The following UTRN variants were observed in gnomAD, a reference collection of about 807,000 sequenced individuals.
The protein encoded by UTRN is utrophin.
A neutral mutation model predicts 463.9 loss-of-function variants in UTRN; 283 were observed. The observed-to-expected ratio is 0.61, with a 90% CI of 0.55 to 0.67. The LOEUF (loss-of-function observed/expected upper bound fraction) is 0.67. Ranked by LOEUF, UTRN falls within the 30% of genes least tolerant of loss-of-function variation. UTRN has a pLI of 0.00. For missense variants in UTRN, 3,922 were observed against 4,084.3 expected (o/e 0.96, Z 1.08); for synonymous variants, 1,442 against 1,431.5 (o/e 1.01, Z -0.17).
At chr6:144,302,594 A>G (rs1805383828) in intron 2 of UTRN, among the ~76,000 whole-genome samples, 2 of 152,024 alleles carry the variant, frequency 1.3e-5, no homozygotes, top group African/African-American at 2.4e-5. Flanking sequence ...GCAAATGGTT[A>G]TTGTTCATTC....
intron 59 of UTRN, 57 bp downstream of exon 59, chr6:144,772,025 T>G (rs1321043409): frequency 1.2e-5 from 11 of 916,318 alleles, no homozygotes; most frequent in East Asian, 7.2e-5. Context: ...GGTTTTTTTT[T>G]TTTTTTTTTT....
At chr6:144,568,151 T>C (rs1800594150) in intron 50 of UTRN, among the ~76,000 whole-genome samples, 1 of 152,158 alleles carries the variant, frequency 6.6e-6, no homozygotes, top group Non-Finnish European at 1.5e-5. Context: ...TGGATGTCCT[T>C]AAATCTTTTT....
At chr6:144,748,212 T>A in intron 54 of UTRN, 34 bp from the exon 55 acceptor site, 2 of 1,572,824 alleles carry the variant, frequency 1.3e-6, no homozygotes, top group Non-Finnish European at 1.7e-6. Flanking sequence ...TAATCAGACA[T>A]CCAAATTATT....
At chr6:144,473,856 A>G in intron 24 of UTRN, 23 bp downstream of exon 24, 1 of 1,547,822 alleles carries the variant, frequency 6.5e-7, no homozygotes, top group Non-Finnish European at 8.9e-7. Context: ...GATCTGGGGA[A>G]CTTGTCATAA....
At chr6:144,304,428 A>G (rs984531001) in intron 2 of UTRN, among the ~76,000 whole-genome samples, 1 of 152,182 alleles carries the variant, frequency 6.6e-6, no homozygotes, top group Non-Finnish European at 1.5e-5. Context: ...ACTGTCTGTC[A>G]CCTAGAGAGG....
rs546018756 is a variant in UTRN, at chr6:144,851,224, G to A, written c.*227G>A. On this transcript the variant is annotated 3_prime_UTR_variant, in exon 75 of 75. Transcript: ENST00000367545. ...TATTGTTTTCTTCTTCCCTTTCTATGCAAGTGTAAATTAATGAACAGAGAG... is the reference window on the plus strand; with the variant it reads ...TATTGTTTTCTTCTTCCCTTTCTATACAAGTGTAAATTAATGAACAGAGAG... 5.5e-4 allele frequency: 320 copies of A among 580,684 alleles called. No individual in the cohort carries two copies. In the South Asian group the frequency reaches 6.8e-3, roughly 12 times the overall value. 36.0% of individuals were successfully genotyped at this position (580,684 alleles called of 1,614,324 possible).
At chr6:144,781,799 A>G (rs1258632712) in intron 60 of UTRN, 123 bp from the exon 61 acceptor site, 5 of 663,778 alleles carry the variant, frequency 7.5e-6, no homozygotes, top group South Asian at 4.9e-5. Flanking sequence ...GCTAAAAAGG[A>G]TAGATTCTTA....
chr6:144,357,330 G>A (rs1020398470), intron 2 of UTRN, among the ~76,000 whole-genome samples: 12 of 152,162 alleles, frequency 7.9e-5, no homozygotes, highest in Non-Finnish European at 1.6e-4. Context: ...AAGTTAAGCT[G>A]TGCTTCAGGA....
rs78616065 is a variant in UTRN at position 144,490,286 on chromosome 6, G to A, written c.4263+87G>A. 7.7e-3 allele frequency: 11,668 copies of A among 1,509,196 alleles called. 770 individuals carry two copies. The African/African-American group carries it at 0.15, about 19-fold the overall frequency. 93.5% of individuals were successfully genotyped at this position (1,509,196 alleles called of 1,614,324 possible). A position where few individuals can be genotyped will look rare whatever the true frequency, so the allele number is the denominator to read the frequency against. On this transcript the variant is annotated intron_variant, in intron 31 of 74. Transcript: ENST00000367545. Reference sequence around the variant, plus strand: ...AGAAAGAATTGATTACTTGGGCACCGTTTGTATTCTTTGTGATGTAAACCA... The same window carrying A: ...AGAAAGAATTGATTACTTGGGCACCATTTGTATTCTTTGTGATGTAAACCA...
intron 2 of UTRN, among the ~76,000 whole-genome samples, chr6:144,317,052 AAGTGTCATAT>A (rs1447779790): frequency 3.9e-5 from 6 of 152,222 alleles, no homozygotes; most frequent in Admixed American, 3.9e-4. Flanking sequence ...ATTTGTCTCA[AAGTGTCATAT>A]TAGACAAAGC....
Position 144,499,324 on chromosome 6 carries a change from C to T in UTRN, c.4661C>T (p.Ala1554Val). 2 of 1,613,870 alleles carry T rather than the reference C, an allele frequency of 1.2e-6. No homozygotes were observed. The highest frequency in any genetic ancestry group is 4.5e-5 in the East Asian group (2 of 44,880). Residue 1554 changes from alanine (A) to valine (V), a missense_variant, in exon 34 of 75, where the codon GCT becomes GTT. By Grantham distance (64) the Ala-to-Val change is moderately conservative. This residue lies in a region of UTRN where 2,349 missense variants were observed against 2,303.8 expected (regional missense o/e 1.02). Transcript: ENST00000367545. ...QLARKMKKEAASLSEWLSATE... is the reference protein window; with the variant it reads ...QLARKMKKEAVSLSEWLSATE... ...GCCCGGAAAATGAAGAAAGAGGCTG[C>T]TTCTCTCTCTGAATGGCTTTCTGCT...
At chr6:144,346,875 CATCTATCT>C (rs5880591) in intron 2 of UTRN, among the ~76,000 whole-genome samples, 1,648 of 151,206 alleles carry the variant, frequency 0.011, 33 homozygotes, top group African/African-American at 0.037. Context: ...ATCTATGTAT[CATCTATCT>C]ATCTATCTAT....
chr6:144,470,351 T>C (rs6934162), intron 23 of UTRN, among the ~76,000 whole-genome samples: 101,397 of 148,850 alleles, frequency 0.68, 36,717 homozygotes, highest in East Asian at 0.99. Context: ...CCAGATGGGG[T>C]GGCTGCCGGG....
intron 3 of UTRN, among the ~76,000 whole-genome samples, chr6:144,407,606 A>C (rs953670202): frequency 1.3e-5 from 2 of 152,224 alleles, no homozygotes; most frequent in African/African-American, 4.8e-5. Flanking sequence ...TATTAAATTC[A>C]CTGTGAAGAA....
At chr6:144,500,942 T>C (rs1794116493) in intron 34 of UTRN, among the ~76,000 whole-genome samples, 1 of 152,206 alleles carries the variant, frequency 6.6e-6, no homozygotes, top group Admixed American at 6.5e-5. Context: ...CTGTGACTGA[T>C]GTTTATATAA....
At chr6:144,635,056 G>T (rs570626401) in intron 51 of UTRN, among the ~76,000 whole-genome samples, 4 of 149,828 alleles carry the variant, frequency 2.7e-5, no homozygotes, top group African/African-American at 9.8e-5. Flanking sequence ...TTAGTCTTTT[G>T]TGTATATATG....
chr6:144,473,700 C>G lies in UTRN; in HGVS notation c.3067-20C>G, dbSNP rs767381566. 4 of 1,603,492 alleles carry G rather than the reference C, an allele frequency of 2.5e-6. No homozygotes were observed. Among genetic ancestry groups the G allele is most frequent in the Admixed American group, 3.3e-5 (2 of 59,958 alleles). ...GAACGTCACGAAGTAATATCCCCCTCTGTTATCATGTTCGATTAGGCCGAT... is the reference window on the plus strand; with the variant it reads ...GAACGTCACGAAGTAATATCCCCCTGTGTTATCATGTTCGATTAGGCCGAT... On this transcript the variant is annotated intron_variant, in intron 23 of 74. Coordinates refer to ENST00000367545, the MANE Select transcript of UTRN (RefSeq NM_007124.3).
At chr6:144,514,604 G>A (rs751277488) in intron 36 of UTRN, 46 bp from the exon 37 acceptor site, 5 of 1,586,556 alleles carry the variant, frequency 3.2e-6, no homozygotes, top group Non-Finnish European at 4.3e-6. Flanking sequence ...CTCATGTTTG[G>A]GTTTGATTTT....
At chr6:144,488,931 G>A in intron 30 of UTRN, 97 bp downstream of exon 30, 2 of 1,199,106 alleles carry the variant, frequency 1.7e-6, no homozygotes. Context: ...CCAAAACCGA[G>A]AGTCAATGGG....
Sources: allele counts gnomAD v4.1 joint callset (sites outside exome capture counted in the v4.1 genomes callset), GRCh38; gene constraint gnomAD v4.1.1; regional missense constraint gnomAD v4.1.1; transcripts MANE v1.5; gene names NCBI Gene and HGNC (gene_info 2026-07-23, HGNC 2026-07-21).